DNAAF9: variants seen among roughly 807,000 people sequenced by gnomAD.
DNAAF9 encodes the protein shulin.
In DNAAF9, 90 loss-of-function variants were observed where a neutral mutation model predicts 167.0. The ratio of observed to expected loss-of-function variants is 0.54; its 90% CI spans 0.45 to 0.64. DNAAF9 has a LOEUF of 0.64. Among genes scored for constraint, DNAAF9 ranks in the 30% least tolerant of loss-of-function variants. The pLI is 0.00. For missense variants in DNAAF9, 1,315 were observed against 1,442.2 expected, an observed-to-expected ratio of 0.91 and a Z score of 1.43; for synonymous variants, 491 against 508.8, an observed-to-expected ratio of 0.96 and a Z score of 0.47.
chr20:3,345,114 G>T (rs2070168408), intron 8 of DNAAF9, among the ~76,000 whole-genome samples: 1 of 152,034 alleles, frequency 6.6e-6, no homozygotes, highest in East Asian at 1.9e-4. Flanking sequence ...CGCCTCCCAG[G>T]TTCAAGCAAT....
At chr20:3,362,233 T>C (rs1023708868) in intron 6 of DNAAF9, 47 of 1,400,604 alleles carry the variant, frequency 3.4e-5, no homozygotes, top group Non-Finnish European at 4.7e-5. Context: ...GCTAACTGTG[T>C]CATCTCCTAC....
intron 28 of DNAAF9, among the ~76,000 whole-genome samples, chr20:3,279,910 G>A (rs557670118): frequency 6.6e-6 from 1 of 152,322 alleles, no homozygotes; most frequent in South Asian, 2.1e-4. Flanking sequence ...CTAGCTGGCA[G>A]TTATTAATGA....
At chr20:3,295,814 A>C (rs1274571017) in intron 23 of DNAAF9, 19 of 888,600 alleles carry the variant, frequency 2.1e-5, no homozygotes, top group Non-Finnish European at 3.3e-5. Context: ...GTGGATCATC[A>C]AAATTCAAAA....
chr20:3,275,736 C>T (rs2099420249), intron 29 of DNAAF9, among the ~76,000 whole-genome samples: 1 of 152,212 alleles, frequency 6.6e-6, no homozygotes, highest in Non-Finnish European at 1.5e-5. Flanking sequence ...GAGCTTCCTT[C>T]TGTTCTGTAT....
chr20:3,339,001 A>T (rs904503087), intron 10 of DNAAF9, among the ~76,000 whole-genome samples: 1 of 150,284 alleles, frequency 6.7e-6, no homozygotes, highest in South Asian at 2.1e-4. Context: ...TTCTCTTCAC[A>T]CTCCTGTTCG....
chr20:3,371,124 AT>A (rs1169535525), intron 6 of DNAAF9, among the ~76,000 whole-genome samples: 2 of 151,468 alleles, frequency 1.3e-5, no homozygotes, highest in Non-Finnish European at 2.9e-5. Context: ...AACTGATTAG[AT>A]TTTTTATATC....
At chr20:3,379,935 G>A (rs1203347159) in intron 3 of DNAAF9, among the ~76,000 whole-genome samples, 3 of 152,280 alleles carry the variant, frequency 2.0e-5, no homozygotes, top group East Asian at 1.9e-4. Flanking sequence ...GTGCATGCCT[G>A]TAATCCCGGC....
At chr20:3,268,022 CTTTTT>C (rs755499907) in intron 30 of DNAAF9, among the ~76,000 whole-genome samples, 1 of 133,390 alleles carries the variant, frequency 7.5e-6, no homozygotes, top group African/African-American at 2.7e-5. Context: ...GATAGGTTTA[CTTTTT>C]TTTTTTTTTT....
In DNAAF9 at chr20:3,255,302, G is replaced by A. The variant is rs754208872; in HGVS notation, c.3262-18C>T. 4.6e-6 allele frequency: 7 copies of A among 1,517,410 alleles called. No homozygotes were observed. Among genetic ancestry groups the A allele is most frequent in the South Asian group, 2.4e-5 (2 of 83,386 alleles). 94.0% of individuals were successfully genotyped at this position (1,517,410 alleles called of 1,614,324 possible). On this transcript the variant is annotated intron_variant, in intron 34 of 36. Coordinates refer to ENST00000252032, the MANE Select transcript of DNAAF9 (RefSeq NM_001009984.3). Reference sequence around the variant, plus strand: ...TGAGGCTTCTGCAGAGATGGGGAGTGGAGGGTCAGGTCCCAGCAGAACTCA... The same window carrying A: ...TGAGGCTTCTGCAGAGATGGGGAGTAGAGGGTCAGGTCCCAGCAGAACTCA...
At chr20:3,304,320 T>C in intron 21 of DNAAF9, 120 bp downstream of exon 21, 2 of 689,970 alleles carry the variant, frequency 2.9e-6, no homozygotes, top group East Asian at 2.7e-5. Flanking sequence ...TCAGTGGCTG[T>C]GCTGGTTCCT....
chr20:3,300,746 G>A (rs1488946990), intron 21 of DNAAF9, among the ~76,000 whole-genome samples: 4 of 149,652 alleles, frequency 2.7e-5, no homozygotes, highest in South Asian at 2.1e-4. Context: ...TAGAGACGGA[G>A]TTTCACCATG....
At chr20:3,286,665 G>A (rs1331159801) in intron 27 of DNAAF9, among the ~76,000 whole-genome samples, 5 of 152,162 alleles carry the variant, frequency 3.3e-5, no homozygotes, top group Non-Finnish European at 7.4e-5. Context: ...GGCTCGAAAG[G>A]GAAAGATGGC....
At chr20:3,397,538 T>G (rs1023909785) in intron 1 of DNAAF9, among the ~76,000 whole-genome samples, 1 of 152,146 alleles carries the variant, frequency 6.6e-6, no homozygotes, top group African/African-American at 2.4e-5. Context: ...CAGGATGGTC[T>G]TGATCTCCTG....
At chr20:3,332,209 G>A (rs2069842167) in intron 11 of DNAAF9, 71 bp downstream of exon 11, 4 of 830,844 alleles carry the variant, frequency 4.8e-6, no homozygotes, top group South Asian at 1.5e-5. Flanking sequence ...TGAATTGTAT[G>A]TCAACTTCTA....
chr20:3,265,959 C>G (rs1409160914), intron 30 of DNAAF9, among the ~76,000 whole-genome samples: 1 of 152,190 alleles, frequency 6.6e-6, no homozygotes, highest in African/African-American at 2.4e-5. Flanking sequence ...GGATTACAGG[C>G]GTGAGTCACT....
chr20:3,399,075 A>T (rs536081780), intron 1 of DNAAF9, among the ~76,000 whole-genome samples: 11 of 152,324 alleles, frequency 7.2e-5, no homozygotes, highest in Admixed American at 5.9e-4. Context: ...TTATTCAATG[A>T]TTTAAATTTT....
chr20:3,306,441 G>A (rs1190564966), intron 20 of DNAAF9, among the ~76,000 whole-genome samples: 2 of 152,198 alleles, frequency 1.3e-5, no homozygotes, highest in South Asian at 2.1e-4. Context: ...GTTTCACGCA[G>A]TATTTACTAA....
intron 3 of DNAAF9, among the ~76,000 whole-genome samples, chr20:3,379,604 T>C (rs1470309971): frequency 6.6e-6 from 1 of 151,974 alleles, no homozygotes; most frequent in Non-Finnish European, 1.5e-5. Flanking sequence ...AATAAATAAA[T>C]AAAAGTTGCT....
chr20:3,341,746 T>C (rs1360595852), intron 9 of DNAAF9, among the ~76,000 whole-genome samples: 2 of 152,216 alleles, frequency 1.3e-5, no homozygotes, highest in Non-Finnish European at 2.9e-5. Flanking sequence ...TGCCCTCCTA[T>C]AATGGATTCT....
Sources: gnomAD v4.1 joint callset for allele counts (sites outside exome capture counted in the v4.1 genomes callset) on GRCh38, gnomAD v4.1.1 for gene constraint, MANE v1.5 for transcripts, NCBI Gene and HGNC (gene_info 2026-07-23, HGNC 2026-07-21) for gene names.